PARD3: variants seen among roughly 807,000 people sequenced by gnomAD.
The protein encoded by PARD3 is par-3 family cell polarity regulator.
In PARD3, 75 loss-of-function variants were observed where a neutral mutation model predicts 155.4. The ratio of observed to expected loss-of-function variants is 0.48; its 90% CI spans 0.40 to 0.58. The LOEUF (loss-of-function observed/expected upper bound fraction) is 0.58, where lower values mean the gene tolerates loss of function less well. Ranked by LOEUF, PARD3 falls within the 20% of genes least tolerant of loss-of-function variation. PARD3 has a pLI of 0.00. For missense variants in PARD3, 1,642 were observed against 1,721.7 expected, an observed-to-expected ratio of 0.95 and a Z score of 0.82; for synonymous variants, 576 against 610.5, an observed-to-expected ratio of 0.94 and a Z score of 0.83.
chr10:34,253,638 C>T (rs1031849414), intron 22 of PARD3, among the ~76,000 whole-genome samples: 1 of 152,092 alleles, frequency 6.6e-6, no homozygotes, highest in Non-Finnish European at 1.5e-5. Context: ...AGTGTAGAGG[C>T]TAAGCAATCC....
At chr10:34,782,723 T>G (rs1226646599) in intron 1 of PARD3, among the ~76,000 whole-genome samples, 4 of 140,080 alleles carry the variant, frequency 2.9e-5, no homozygotes, top group Admixed American at 2.7e-4. Context: ...TTAGGAAAGT[T>G]TTTTTTTTTT....
In PARD3 at chr10:34,470,345, A is replaced by G. The variant is rs372970986; in HGVS notation, c.404-82T>C. ...TGTTAGGAGAACGTAGGGAAATCCT[A>G]AAGATTAAGGAACAGAATTACACTT... On this transcript the variant is annotated intron_variant, in intron 3 of 24. Coordinates refer to ENST00000374788, the MANE Select transcript of PARD3 (RefSeq NM_001184785.2). The G allele has an allele frequency of 3.2e-4, 342 of 1,076,566 alleles. 1 individual carries two copies. The African/African-American group carries it at 3.4e-3, about 11-fold the overall frequency. The allele number at this position is 1,076,566 out of a possible 1,614,324, so 66.7% of individuals were successfully genotyped here.
chr10:34,472,255 G>C (rs944354356), intron 3 of PARD3, among the ~76,000 whole-genome samples: 1 of 152,062 alleles, frequency 6.6e-6, no homozygotes. Flanking sequence ...ATAATTTCTG[G>C]ATTTTAGTGT....
In PARD3 at chr10:34,350,503, G is replaced by A. The variant is rs552081188; in HGVS notation, c.2068-2388C>T. ...ACAAAAATTAGCCAGGTGTGGTGGC[G>A]GGCACCTGTAATTCCAGCTACTCGG... On this transcript the variant is annotated intron_variant, in intron 14 of 24. Transcript: ENST00000374788. Among the ~76,000 whole-genome samples the A allele has an allele frequency of 1.5e-4, 23 of 151,978 alleles. 1 individual carries two copies. In the East Asian group the frequency reaches 1.9e-3, roughly 13 times the overall value.
At chr10:34,300,605 C>A (rs1184762535) in intron 20 of PARD3, among the ~76,000 whole-genome samples, 2 of 150,656 alleles carry the variant, frequency 1.3e-5, no homozygotes, top group Non-Finnish European at 2.9e-5. Context: ...GCCTGTCCGA[C>A]CTGGGTGACA....
chr10:34,575,764 C>T (rs899588825), intron 2 of PARD3, among the ~76,000 whole-genome samples: 1 of 151,942 alleles, frequency 6.6e-6, no homozygotes, highest in African/African-American at 2.4e-5. Context: ...GACATGGTGG[C>T]GGGTGCCTGT....
intron 21 of PARD3, among the ~76,000 whole-genome samples, chr10:34,282,995 T>C (rs912111443): frequency 1.3e-5 from 2 of 152,110 alleles, no homozygotes; most frequent in Admixed American, 6.6e-5. Flanking sequence ...CCATATTTTT[T>C]CCCACATACA....
chr10:34,201,283 C>A (rs1283566705), intron 22 of PARD3, among the ~76,000 whole-genome samples: 1 of 152,184 alleles, frequency 6.6e-6, no homozygotes, highest in Non-Finnish European at 1.5e-5. Flanking sequence ...GAATGCTGTT[C>A]ACTAATACTT....
intron 5 of PARD3, among the ~76,000 whole-genome samples, chr10:34,442,369 A>AC (rs2076509815): frequency 6.6e-6 from 1 of 152,142 alleles, no homozygotes. Flanking sequence ...TAATGCTGTG[A>AC]CCCCTCAGTC....
At chr10:34,293,211 G>A (rs943762445) in intron 20 of PARD3, among the ~76,000 whole-genome samples, 3 of 152,156 alleles carry the variant, frequency 2.0e-5, no homozygotes, top group African/African-American at 7.2e-5. Context: ...AATGAAAGAA[G>A]ATGAGTGAAA....
chr10:34,495,927 C>G (rs529541080), intron 3 of PARD3, among the ~76,000 whole-genome samples: 1 of 151,732 alleles, frequency 6.6e-6, no homozygotes, highest in East Asian at 1.9e-4. Context: ...AAGAGGCTAG[C>G]CATGGTGGCT....
chr10:34,807,851 G>T (rs1440822626), intron 1 of PARD3, among the ~76,000 whole-genome samples: 1 of 152,020 alleles, frequency 6.6e-6, no homozygotes, highest in African/African-American at 2.4e-5. Flanking sequence ...TGAGTTGATG[G>T]AGAAAAAAGG....
At chr10:34,498,012 C>T (rs1367916890) in intron 3 of PARD3, among the ~76,000 whole-genome samples, 2 of 152,118 alleles carry the variant, frequency 1.3e-5, no homozygotes, top group East Asian at 1.9e-4. Flanking sequence ...GCTTTCCCCC[C>T]TCTCCTACCT....
chr10:34,151,485 T>C (rs1057324428), intron 22 of PARD3, among the ~76,000 whole-genome samples: 1 of 152,202 alleles, frequency 6.6e-6, no homozygotes, highest in Non-Finnish European at 1.5e-5. Flanking sequence ...AGTGTATATA[T>C]GTACAGCTCC....
chr10:34,400,022 C>T (rs975538027), intron 6 of PARD3, among the ~76,000 whole-genome samples: 4 of 152,208 alleles, frequency 2.6e-5, no homozygotes, highest in African/African-American at 9.7e-5. Context: ...TACTTCATGA[C>T]AATTCAAAGT....
intron 4 of PARD3, among the ~76,000 whole-genome samples, chr10:34,464,887 A>C (rs2077905224): frequency 6.6e-6 from 1 of 152,214 alleles, no homozygotes. Flanking sequence ...ACTCATCTTC[A>C]AAATTTCAAA....
intron 2 of PARD3, among the ~76,000 whole-genome samples, chr10:34,626,565 A>C (rs1052828465): frequency 6.6e-6 from 1 of 152,224 alleles, no homozygotes; most frequent in African/African-American, 2.4e-5. Flanking sequence ...GGCATTACAT[A>C]ATCTCTGAAA....
chr10:34,785,678 A>AGT (rs1183616992), intron 1 of PARD3, among the ~76,000 whole-genome samples: 2 of 152,172 alleles, frequency 1.3e-5, no homozygotes, highest in African/African-American at 4.8e-5. Context: ...TCAAAGCTGC[A>AGT]GTGAGCAGAG....
At chr10:34,724,431 A>G (rs1311956345) in intron 1 of PARD3, among the ~76,000 whole-genome samples, 3 of 151,454 alleles carry the variant, frequency 2.0e-5, no homozygotes, top group Non-Finnish European at 2.9e-5. Context: ...ATAAGCTCAT[A>G]CATTGGCTAG....
Sources: gnomAD v4.1 joint callset for allele counts (sites outside exome capture counted in the v4.1 genomes callset) on GRCh38, gnomAD v4.1.1 for gene constraint, MANE v1.5 for transcripts, NCBI Gene and HGNC (gene_info 2026-07-23, HGNC 2026-07-21) for gene names.